ANKFN1: variants seen among roughly 807,000 people sequenced by gnomAD.
ANKFN1 encodes the protein ankyrin repeat and fibronectin type-III domain-containing protein 1.
A neutral mutation model predicts 108.7 loss-of-function variants in ANKFN1; 74 were observed. The observed-to-expected ratio is 0.68, with a 90% CI of 0.56 to 0.83. ANKFN1 has a LOEUF of 0.83. Ranked by LOEUF, ANKFN1 falls within the 40% of genes least tolerant of loss-of-function variation. The pLI is 0.00. For missense variants in ANKFN1, 1,505 were observed against 1,382.3 expected (o/e 1.09, Z -1.41); for synonymous variants, 547 against 516.2 (o/e 1.06, Z -0.81).
At chr17:56,047,722 G>A (rs1039774561) in intron 4 of ANKFN1, among the ~76,000 whole-genome samples, 2 of 152,138 alleles carry the variant, frequency 1.3e-5, no homozygotes, top group Admixed American at 6.5e-5. Context: ...GTTCAAATCA[G>A]GTGATAAGTA....
chr17:56,064,421 CT>C (rs1467141215), intron 4 of ANKFN1, among the ~76,000 whole-genome samples: 1 of 152,194 alleles, frequency 6.6e-6, no homozygotes, highest in African/African-American at 2.4e-5. Flanking sequence ...GTCCCTGAGC[CT>C]CTGGCTGGAG....
At chr17:56,476,138 G>C (rs1166567550) in intron 15 of ANKFN1, among the ~76,000 whole-genome samples, 1 of 152,088 alleles carries the variant, frequency 6.6e-6, no homozygotes, top group African/African-American at 2.4e-5. Context: ...CCATGACCCA[G>C]TTACCTCCCA....
At chr17:56,061,905 A>G (rs1040031892) in intron 4 of ANKFN1, among the ~76,000 whole-genome samples, 4 of 152,156 alleles carry the variant, frequency 2.6e-5, no homozygotes, top group Non-Finnish European at 5.9e-5. Context: ...TGCTTTAGCT[A>G]TGTCCCAGAG....
At chr17:56,501,402 C>A (rs1052612129) in intron 20 of ANKFN1, among the ~76,000 whole-genome samples, 1 of 151,914 alleles carries the variant, frequency 6.6e-6, no homozygotes, top group Non-Finnish European at 1.5e-5. Flanking sequence ...AGCAGGGAGG[C>A]AACTTAGAAA....
chr17:56,224,818 C>T (rs1026988679), intron 2 of ANKFN1: 1 of 152,284 alleles, frequency 6.6e-6, no homozygotes, highest in Non-Finnish European at 1.5e-5. Context: ...AAGTGGATTC[C>T]AGCAAAGAGA....
chr17:56,173,753 C>T (rs1418520598), intron 1 of ANKFN1, among the ~76,000 whole-genome samples: 1 of 152,198 alleles, frequency 6.6e-6, no homozygotes, highest in Non-Finnish European at 1.5e-5. Context: ...TAAGTCACCA[C>T]ACCCAGCCAG....
At chr17:56,458,688 C>T (rs960929124) in intron 14 of ANKFN1, among the ~76,000 whole-genome samples, 3 of 151,770 alleles carry the variant, frequency 2.0e-5, no homozygotes, top group African/African-American at 7.3e-5. Context: ...AATCTTAGCA[C>T]AGAAAAAAAA....
At chr17:56,102,299 A>T (rs1905662865) in intron 4 of ANKFN1, among the ~76,000 whole-genome samples, 1 of 152,236 alleles carries the variant, frequency 6.6e-6, no homozygotes, top group African/African-American at 2.4e-5. Flanking sequence ...TATACGGTCA[A>T]TTATAAATAC....
intron 4 of ANKFN1, among the ~76,000 whole-genome samples, chr17:56,095,943 A>G (rs181531270): frequency 6.6e-6 from 1 of 152,332 alleles, no homozygotes; most frequent in Non-Finnish European, 1.5e-5. Flanking sequence ...GCTCTTTGGA[A>G]TCAGAGATGC....
chr17:56,373,461 A>G lies in ANKFN1; in HGVS notation c.796+621A>G, dbSNP rs970761083. ...GTAGCTCCTGATACAAAAACAAAAT[A>G]TAAAATTCAAACACTTGTGAAATAT... On this transcript the variant is annotated intron_variant, in intron 7 of 20. Transcript: ENST00000682825. Among the ~76,000 whole-genome samples, 10 of 152,386 alleles carry G rather than the reference A, an allele frequency of 6.6e-5. No individual in the cohort carries two copies. In the East Asian group the frequency reaches 1.5e-3, roughly 23 times the overall value.
intron 4 of ANKFN1, among the ~76,000 whole-genome samples, chr17:56,345,005 G>A (rs1018372728): frequency 6.6e-6 from 1 of 151,784 alleles, no homozygotes; most frequent in Non-Finnish European, 1.5e-5. Flanking sequence ...TTTAAGCCCC[G>A]CATGTATTAG....
Position 56,361,769 on chromosome 17 carries a change from T to A in ANKFN1, c.601+7723T>A, listed in dbSNP as rs992690155. On this transcript the variant is annotated intron_variant, in intron 6 of 20. Transcript: ENST00000682825. ...GCTTGATTGAGCTAGAGGACCCCAC[T>A]TCCGAGCTTACTCATAGTGGCTACT... is the stretch of plus-strand genomic sequence containing the variant. Among the ~76,000 whole-genome samples, 8 of 152,128 alleles carry A rather than the reference T, an allele frequency of 5.3e-5. 1 individual carries two copies. Among genetic ancestry groups the A allele is most frequent in the African/African-American group, 1.9e-4 (8 of 41,438 alleles).
intron 19 of ANKFN1, among the ~76,000 whole-genome samples, chr17:56,494,597 A>G (rs1163854725): frequency 1.3e-5 from 2 of 152,072 alleles, no homozygotes. Flanking sequence ...GAAGTCAAGG[A>G]GCACACATTT....
intron 4 of ANKFN1, among the ~76,000 whole-genome samples, chr17:56,105,230 A>G (rs940240485): frequency 6.6e-6 from 1 of 152,122 alleles, no homozygotes; most frequent in Non-Finnish European, 1.5e-5. Context: ...ATAGTCAAGG[A>G]GCATGGATTT....
At chr17:56,458,284 TCTC>T in intron 14 of ANKFN1, among the ~76,000 whole-genome samples, 1 of 152,180 alleles carries the variant, frequency 6.6e-6, no homozygotes, top group East Asian at 1.9e-4. Context: ...CCGACTCAGT[TCTC>T]CTCTCTGGGC....
chr17:56,143,546 T>C (rs926516640), intron 4 of ANKFN1, among the ~76,000 whole-genome samples: 6 of 152,284 alleles, frequency 3.9e-5, no homozygotes, highest in African/African-American at 1.4e-4. Flanking sequence ...ATATTTGATC[T>C]TTGCAGTAGA....
chr17:56,412,490 T>C (rs1399793930), intron 8 of ANKFN1, among the ~76,000 whole-genome samples: 2 of 152,198 alleles, frequency 1.3e-5, no homozygotes, highest in African/African-American at 4.8e-5. Flanking sequence ...CCACCCTCAC[T>C]CTGTGTGGGT....
intron 8 of ANKFN1, among the ~76,000 whole-genome samples, chr17:56,424,381 T>C (rs939390410): frequency 1.3e-5 from 2 of 152,208 alleles, no homozygotes; most frequent in Admixed American, 1.3e-4. Context: ...GGGTTCAAAA[T>C]CTGGCCCTCG....
At position 56,314,763 on chromosome 17, in the gene ANKFN1, C is replaced by T. The variant is rs370585033; in HGVS notation, c.54-11458C>T. ...TTTTTCCTACAATGGTTCTCAAGCT[C>T]AAGCTGCCCTCATCAGTAATCTTTA... On this transcript the variant is annotated intron_variant, in intron 3 of 20. Coordinates refer to ENST00000682825, the MANE Select transcript of ANKFN1 (RefSeq NM_001370326.1). 1.3e-4 allele frequency among the ~76,000 whole-genome samples: 20 copies of T among 152,164 alleles called. 3 individuals carry two copies. Among genetic ancestry groups the T allele is most frequent in the Admixed American group, 9.2e-4 (14 of 15,280 alleles).
Sources: allele counts gnomAD v4.1 joint callset (sites outside exome capture counted in the v4.1 genomes callset), GRCh38; gene constraint gnomAD v4.1.1; transcripts MANE v1.5; gene names NCBI Gene and HGNC (gene_info 2026-07-23, HGNC 2026-07-21).